The following FRMPD2 variants were observed in gnomAD, a reference collection of about 807,000 sequenced individuals.
FRMPD2 encodes the protein FERM and PDZ domain-containing protein 2.
FRMPD2 carries 96 observed loss-of-function variants against 140.1 expected under a neutral mutation model. The ratio of observed to expected loss-of-function variants is 0.69; its 90% CI spans 0.58 to 0.81. The LOEUF is 0.81. FRMPD2 is among the 40% of genes least tolerant of loss of function. The pLI, the probability that FRMPD2 is intolerant of heterozygous loss-of-function variation, is 0.00. For missense variants in FRMPD2, 1,240 were observed against 1,447.4 expected, an observed-to-expected ratio of 0.86 and a Z score of 2.32; for synonymous variants, 449 against 547.6, an observed-to-expected ratio of 0.82 and a Z score of 2.52.
chr10:48,194,687 A>C (rs1218846232), intron 15 of FRMPD2, among the ~76,000 whole-genome samples: 1 of 152,178 alleles, frequency 6.6e-6, no homozygotes, highest in Non-Finnish European at 1.5e-5. Context: ...GAGGAAGCTC[A>C]GTTAGCAGGA....
At chr10:48,184,957 C>T in intron 18 of FRMPD2, 76 bp from the exon 19 acceptor site, 1 of 1,060,622 alleles carries the variant, frequency 9.4e-7, no homozygotes, top group Non-Finnish European at 1.4e-6. Flanking sequence ...GGTTATTTCC[C>T]TCATATCACA....
At chr10:48,259,338 A>C (rs1452112935) in intron 1 of FRMPD2, among the ~76,000 whole-genome samples, 1 of 152,204 alleles carries the variant, frequency 6.6e-6, no homozygotes, top group Non-Finnish European at 1.5e-5. Context: ...TAAGGTCACA[A>C]AAGCCACACA....
At chr10:48,187,384 C>A in intron 16 of FRMPD2, 92 bp from the exon 17 acceptor site, 1 of 1,027,852 alleles carries the variant, frequency 9.7e-7, no homozygotes, top group South Asian at 1.4e-5. Context: ...AACTTCTTGG[C>A]ATTTCTGAGT....
At chr10:48,183,636 A>G (rs1838602242) in intron 20 of FRMPD2, among the ~76,000 whole-genome samples, 1 of 152,146 alleles carries the variant, frequency 6.6e-6, no homozygotes, top group East Asian at 1.9e-4. Flanking sequence ...AGATCACTTG[A>G]GTTCAGGAGT....
At chr10:48,233,903 C>T (rs767388680) in intron 9 of FRMPD2, among the ~76,000 whole-genome samples, 18 of 152,200 alleles carry the variant, frequency 1.2e-4, no homozygotes, top group African/African-American at 1.7e-4. Context: ...TGCAGGCACA[C>T]GCACCCAAGG....
chr10:48,256,827 C>T (rs964858008), intron 1 of FRMPD2, among the ~76,000 whole-genome samples: 1 of 152,208 alleles, frequency 6.6e-6, no homozygotes, highest in Admixed American at 6.5e-5. Flanking sequence ...CTCACCTCCT[C>T]GGCATTCTTT....
intron 20 of FRMPD2, among the ~76,000 whole-genome samples, 171 bp downstream of exon 20, chr10:48,184,395 A>G (rs1440846145): frequency 1.3e-5 from 2 of 152,132 alleles, no homozygotes; most frequent in African/African-American, 4.8e-5. Flanking sequence ...TGCCCCTGAA[A>G]TTGCAAAGCT....
At chr10:48,210,644 C>G (rs1261234846) in intron 13 of FRMPD2, among the ~76,000 whole-genome samples, 1 of 152,208 alleles carries the variant, frequency 6.6e-6, no homozygotes, top group East Asian at 1.9e-4. Context: ...TGCTTCGTCC[C>G]CTTGACAGGG....
intron 28 of FRMPD2, chr10:48,158,834 G>A (rs2132381012): frequency 3.7e-6 from 1 of 271,884 alleles, no homozygotes; most frequent in South Asian, 3.6e-5. Flanking sequence ...CTCTTCAGTG[G>A]GTATTTTTAA....
At chr10:48,217,482 A>G (rs919111909) in intron 12 of FRMPD2, among the ~76,000 whole-genome samples, 3 of 152,160 alleles carry the variant, frequency 2.0e-5, no homozygotes, top group Non-Finnish European at 4.4e-5. Flanking sequence ...AGAGTCTGAG[A>G]AGTGTTTTCA....
intron 16 of FRMPD2, among the ~76,000 whole-genome samples, 198 bp downstream of exon 16, chr10:48,192,486 C>T (rs1222882574): frequency 3.3e-5 from 5 of 152,062 alleles, no homozygotes. Context: ...ACTCAGGAGG[C>T]TGAGGCAGGA....
At chr10:48,239,548 C>T in intron 7 of FRMPD2, 57 bp downstream of exon 7, 1 of 1,232,210 alleles carries the variant, frequency 8.1e-7, no homozygotes, top group Non-Finnish European at 1.2e-6. Flanking sequence ...GGTACCATAG[C>T]CCCCACACCT....
rs1037706206 is a variant in FRMPD2 at position 48,258,415 on chromosome 10, C to A, written c.26-6724G>T. 3.3e-5 allele frequency among the ~76,000 whole-genome samples: 5 copies of A among 152,226 alleles called. No individual in the cohort carries two copies. The East Asian group carries it at 9.6e-4, about 29-fold the overall frequency. Reference sequence around the variant, plus strand: ...CCCTTCCCTGCCCTGTTTTCTACCCCACAGCCCCTGATTTAAATAGTGGCT... The same window carrying A: ...CCCTTCCCTGCCCTGTTTTCTACCCAACAGCCCCTGATTTAAATAGTGGCT... On this transcript the variant is annotated intron_variant, in intron 1 of 28. Transcript: ENST00000374201.
chr10:48,206,048 A>T (rs1286192746), intron 14 of FRMPD2, among the ~76,000 whole-genome samples: 1 of 152,214 alleles, frequency 6.6e-6, no homozygotes, highest in Non-Finnish European at 1.5e-5. Context: ...TCGTCACTGA[A>T]GTGACACAGG....
At chr10:48,241,219 T>C (rs969139071) in intron 5 of FRMPD2, among the ~76,000 whole-genome samples, 1 of 152,200 alleles carries the variant, frequency 6.6e-6, no homozygotes, top group Non-Finnish European at 1.5e-5. Context: ...TCTGATTGAC[T>C]GTTGCCGCTG....
chr10:48,201,318 T>C lies in FRMPD2; in HGVS notation c.1864A>G (p.Lys622Glu), dbSNP rs747459547. The change falls in exon 15 of 29, where the codon AAG becomes GAG. Residue 622 changes from lysine (K) to glutamate (E), a missense_variant. By Grantham distance (56) the Lys-to-Glu change is moderately conservative. Coordinates refer to ENST00000374201, the MANE Select transcript of FRMPD2 (RefSeq NM_001018071.4). Reference protein sequence around the residue: ...KKHTFVTDSAKTSKYLLDLCS... With the variant: ...KKHTFVTDSAETSKYLLDLCS... ...AGGTCCAGTAAGTATTTACTGGTCTTGGCTGAATCTGTGACAAATGTGTGC... is the reference window on the plus strand; with the variant it reads ...AGGTCCAGTAAGTATTTACTGGTCTCGGCTGAATCTGTGACAAATGTGTGC... 1 of 1,614,010 alleles carries C rather than the reference T, an allele frequency of 6.2e-7. No homozygotes were observed. The highest frequency in any genetic ancestry group is 8.5e-7 in the Non-Finnish European group (1 of 1,179,870).
intron 17 of FRMPD2, 74 bp downstream of exon 17, chr10:48,187,118 T>C (rs1310378548): frequency 2.2e-6 from 2 of 889,670 alleles, no homozygotes; most frequent in Non-Finnish European, 3.5e-6. Context: ...AAATAAGTGG[T>C]GGTAAAAGAC....
chr10:48,251,900 G>C lies in FRMPD2; in HGVS notation c.26-209C>G, dbSNP rs1840392149. On this transcript the variant is annotated intron_variant, in intron 1 of 28. Coordinates refer to ENST00000374201, the MANE Select transcript of FRMPD2 (RefSeq NM_001018071.4). ...GTTAATTGGAGGACTGACCAGGTTG[G>C]CTGGTCGGTTCTCAGTGAATGAGTA... is the stretch of plus-strand genomic sequence containing the variant. The C allele has an allele frequency of 7.3e-6, 4 of 548,594 alleles. No individual in the cohort carries two copies. The South Asian group carries it at 1.1e-4, about 15-fold the overall frequency. 34.0% of individuals were successfully genotyped at this position (548,594 alleles called of 1,614,324 possible). A position where few individuals can be genotyped will look rare whatever the true frequency, so the allele number is the denominator to read the frequency against.
intron 1 of FRMPD2, among the ~76,000 whole-genome samples, chr10:48,267,995 C>T (rs1364307704): frequency 6.6e-6 from 1 of 152,122 alleles, no homozygotes; most frequent in Non-Finnish European, 1.5e-5. Flanking sequence ...ATATGGAGTA[C>T]TCACATGTAG....
Sources: gnomAD v4.1 joint callset for allele counts (sites outside exome capture counted in the v4.1 genomes callset) on GRCh38, gnomAD v4.1.1 for gene constraint, MANE v1.5 for transcripts, NCBI Gene and HGNC (gene_info 2026-07-23, HGNC 2026-07-21) for gene names.